SYTL4: variants seen among roughly 807,000 people sequenced by gnomAD.
The protein encoded by SYTL4 is synaptotagmin-like protein 4.
Under a neutral mutation model 52.7 loss-of-function variants are expected in SYTL4, and 16 were observed. The ratio of observed to expected loss-of-function variants is 0.30; its 90% CI spans 0.21 to 0.46. The LOEUF is 0.46. Ranked by LOEUF, SYTL4 falls within the 20% of genes least tolerant of loss-of-function variation. The pLI, the probability that SYTL4 is intolerant of heterozygous loss-of-function variation, is 1.00. For synonymous variants in SYTL4, 160 were observed against 186.6 expected (o/e 0.86, Z 1.16); for missense variants, 423 against 519.9 (o/e 0.81, Z 1.81).
Position 100,700,900 on chromosome X carries a change from G to A in SYTL4, c.536C>T (p.Pro179Leu). 8 of 1,199,626 alleles carry A rather than the reference G, an allele frequency of 6.7e-6. No homozygotes were observed. The highest frequency in any genetic ancestry group is 9.0e-6 in the Non-Finnish European group (8 of 885,478). The stretch of plus-strand genomic sequence containing the variant: ...TAAACAATTACTTGATTCTTACCTG[G>A]GCTCCTTCTGCCGCTCCTGAATGAT... ...RKIIQERQKE[P>L]SVLFEVPKLK... Residue 179 changes from proline (P) to leucine (L), a missense_variant, in exon 8 of 20, where the codon CCC becomes CTC. Transcript: ENST00000372989.
rs964223369 is a variant in SYTL4 at position 100,689,998 on chromosome X, A to G, written c.809-39T>C. 4.4e-6 allele frequency: 5 copies of G among 1,146,296 alleles called. No homozygotes were observed. In the East Asian group the frequency reaches 8.9e-5, roughly 20 times the overall value. 94.5% of individuals were successfully genotyped at this position (1,146,296 alleles called of 1,213,427 possible). On this transcript the variant is annotated intron_variant, in intron 11 of 19. Coordinates refer to ENST00000372989, the MANE Select transcript of SYTL4 (RefSeq NM_001370165.1). ...CAAAAAAGCCAAATCAAAGAGACCT[A>G]TTCTTCTCCATACCAAGAGCCCATC...
intron 2 of SYTL4, among the ~76,000 whole-genome samples, chrX:100,716,123 C>T (rs1372870269): frequency 3.7e-5 from 4 of 108,017 alleles, no homozygotes; most frequent in Admixed American, 1.0e-4. Flanking sequence ...TACCGATGGG[C>T]GGGGGACTAG....
chrX:100,713,856 CAA>C (rs201890670), intron 2 of SYTL4, among the ~76,000 whole-genome samples: 1 of 98,681 alleles, frequency 1.0e-5, no homozygotes, highest in African/African-American at 3.6e-5. Context: ...ATAAGTCAGG[CAA>C]AAAAAAAACA....
At chrX:100,717,443 C>G (rs1445196695) in intron 2 of SYTL4, among the ~76,000 whole-genome samples, 1 of 112,770 alleles carries the variant, frequency 8.9e-6, no homozygotes, top group Admixed American at 9.4e-5. Context: ...AGGCAAAGTG[C>G]GTAGCACTTA....
At chrX:100,720,856 A>C (rs781154152) in intron 2 of SYTL4, among the ~76,000 whole-genome samples, 12 of 112,327 alleles carry the variant, frequency 1.1e-4, no homozygotes, top group Non-Finnish European at 2.1e-4. Flanking sequence ...CTTTCAAATA[A>C]AATATTAATA....
At chrX:100,678,344 T>C in intron 19 of SYTL4, 47 bp downstream of exon 19, 1 of 1,023,605 alleles carries the variant, frequency 9.8e-7, no homozygotes, top group South Asian at 1.9e-5. Flanking sequence ...AGGAGTAAAA[T>C]AGACAAGAAG....
chrX:100,679,065 G>C (rs2083329482), intron 18 of SYTL4, among the ~76,000 whole-genome samples: 1 of 111,849 alleles, frequency 8.9e-6, no homozygotes, highest in Non-Finnish European at 1.9e-5. Flanking sequence ...TTTTCACCCA[G>C]AATTAATTAA....
chrX:100,720,356 C>A (rs933741512), intron 2 of SYTL4, among the ~76,000 whole-genome samples: 1 of 112,024 alleles, frequency 8.9e-6, no homozygotes, highest in Admixed American at 9.5e-5. Flanking sequence ...AAATCTAGGT[C>A]ATTTATATGT....
At chrX:100,701,826 A>C in intron 5 of SYTL4, 102 bp downstream of exon 5, 1 of 810,531 alleles carries the variant, frequency 1.2e-6, no homozygotes, top group Non-Finnish European at 1.8e-6. Flanking sequence ...GGTAAACATC[A>C]CATATACAAA....
At chrX:100,714,345 C>T (rs893444991) in intron 2 of SYTL4, among the ~76,000 whole-genome samples, 6 of 108,676 alleles carry the variant, frequency 5.5e-5, no homozygotes, top group Non-Finnish European at 9.5e-5. Context: ...CTGCAAGCTC[C>T]GCCTCCTGGG....
At chrX:100,700,030 C>A (rs1034522426) in intron 8 of SYTL4, among the ~76,000 whole-genome samples, 8 of 110,938 alleles carry the variant, frequency 7.2e-5, no homozygotes, top group African/African-American at 2.6e-4. Context: ...CCAGGATAGG[C>A]AAATACAGAG....
At chrX:100,723,333 G>T (rs994971825) in intron 2 of SYTL4, among the ~76,000 whole-genome samples, 2 of 112,250 alleles carry the variant, frequency 1.8e-5, no homozygotes, top group African/African-American at 6.5e-5. Context: ...TGTTGGCCGG[G>T]CTGGTCTCCA....
At chrX:100,698,361 C>T (rs1254871804) in intron 8 of SYTL4, among the ~76,000 whole-genome samples, 2 of 111,801 alleles carry the variant, frequency 1.8e-5, no homozygotes, top group Non-Finnish European at 3.8e-5. Context: ...CCTCGGCCTC[C>T]CAAAGTGCTG....
At chrX:100,697,691 G>T (rs189928602) in intron 8 of SYTL4, among the ~76,000 whole-genome samples, 199 of 110,308 alleles carry the variant, frequency 1.8e-3, no homozygotes, top group African/African-American at 6.4e-3. Context: ...AAGAAGATTA[G>T]AGCAAAGAAC....
chrX:100,707,913 C>A (rs1010732719), intron 2 of SYTL4, among the ~76,000 whole-genome samples: 1 of 111,300 alleles, frequency 9.0e-6, no homozygotes, highest in Non-Finnish European at 1.9e-5. Context: ...TTGTGGGACC[C>A]ATGCCCATAA....
chrX:100,697,720 G>C (rs1384146654), intron 8 of SYTL4, among the ~76,000 whole-genome samples: 4 of 110,948 alleles, frequency 3.6e-5, no homozygotes, highest in Non-Finnish European at 5.7e-5. Context: ...ACCTAAATAA[G>C]ATAATTTACT....
intron 8 of SYTL4, among the ~76,000 whole-genome samples, chrX:100,693,362 G>A (rs1183307724): frequency 8.9e-6 from 1 of 112,816 alleles, no homozygotes; most frequent in African/African-American, 3.2e-5. Context: ...TCTTCGCTCT[G>A]TCTCATCAAA....
In SYTL4 at chrX:100,702,638, T is replaced by C. The variant is rs1049989920; in HGVS notation, c.-71+455A>G. ...CCTACTCTATCTCTCAAAGTTCTTATCATACTAGCACTCTAGCACTACCTC... is the reference window on the plus strand; with the variant it reads ...CCTACTCTATCTCTCAAAGTTCTTACCATACTAGCACTCTAGCACTACCTC... On this transcript the variant is annotated intron_variant, in intron 4 of 19. Coordinates refer to ENST00000372989, the MANE Select transcript of SYTL4 (RefSeq NM_001370165.1). Among the ~76,000 whole-genome samples the C allele has an allele frequency of 6.2e-5, 7 of 112,015 alleles. No individual in the cohort carries two copies. In the South Asian group the frequency reaches 2.6e-3, roughly 42 times the overall value.
At chrX:100,707,744 C>T (rs2083986509) in intron 2 of SYTL4, among the ~76,000 whole-genome samples, 1 of 111,039 alleles carries the variant, frequency 9.0e-6, no homozygotes, top group Non-Finnish European at 1.9e-5. Flanking sequence ...CCCTTCATTA[C>T]ATTCAGTCCC....
Sources: allele counts gnomAD v4.1 joint callset (sites outside exome capture counted in the v4.1 genomes callset), GRCh38; gene constraint gnomAD v4.1.1; transcripts MANE v1.5; gene names NCBI Gene and HGNC (gene_info 2026-07-23, HGNC 2026-07-21).